The following NDUFA12 variants were observed in gnomAD, a reference collection of about 807,000 sequenced individuals.
NDUFA12 encodes the protein NADH:ubiquinone oxidoreductase subunit A12.
NDUFA12 carries 17 observed loss-of-function variants against 20.3 expected under a neutral mutation model. The observed-to-expected ratio is 0.84, with a 90% CI of 0.57 to 1.26. The LOEUF is 1.26. Among genes scored for constraint, NDUFA12 ranks in the 50% most tolerant of loss-of-function variants. The probability of loss-of-function intolerance (pLI) is 0.00; values close to 1 mark genes in which losing one functional copy is unlikely to be tolerated. For missense variants in NDUFA12, 191 were observed against 183.7 expected (o/e 1.04, Z -0.23); for synonymous variants, 72 against 63.6 (o/e 1.13, Z -0.63).
At chr12:94,973,968 CTT>C (rs35862087) in intron 3 of NDUFA12, among the ~76,000 whole-genome samples, 101 of 100,936 alleles carry the variant, frequency 1.0e-3, no homozygotes, top group African/African-American at 2.9e-3. Flanking sequence ...ACTCTTGGGT[CTT>C]TTTTTTTTTT....
Position 95,002,729 on chromosome 12 carries a change from C to T in NDUFA12, c.169+10G>A, listed in dbSNP as rs762671643. 6.2e-7 allele frequency: 1 copy of T among 1,602,884 alleles called. No homozygotes were observed. Among genetic ancestry groups the T allele is most frequent in the Non-Finnish European group, 8.5e-7 (1 of 1,169,792 alleles). On this transcript the variant is annotated intron_variant, in intron 2 of 3. Coordinates refer to ENST00000327772, the MANE Select transcript of NDUFA12 (RefSeq NM_018838.5). Reference sequence around the variant, plus strand: ...ATCCAATTATTCATACTAAAAAATACTGCACTCACCAAAAAATTGCTTGTT... The same window carrying T: ...ATCCAATTATTCATACTAAAAAATATTGCACTCACCAAAAAATTGCTTGTT...
At chr12:94,995,236 T>A (rs1874781877) in intron 2 of NDUFA12, among the ~76,000 whole-genome samples, 1 of 152,194 alleles carries the variant, frequency 6.6e-6, no homozygotes, top group Non-Finnish European at 1.5e-5. Context: ...AAACATGACC[T>A]CATCTCTTTT....
intron 3 of NDUFA12, among the ~76,000 whole-genome samples, chr12:94,980,355 G>A (rs750852468): frequency 3.9e-5 from 6 of 151,980 alleles, no homozygotes; most frequent in Non-Finnish European, 7.4e-5. Context: ...CAACCACTCA[G>A]GCCCCAAACC....
intron 2 of NDUFA12, chr12:94,997,057 A>AT (rs1392268189): frequency 3.5e-6 from 1 of 286,234 alleles, no homozygotes; most frequent in Admixed American, 5.0e-5. Flanking sequence ...TAAAAATATC[A>AT]TAACTAGGTG....
chr12:94,998,230 C>A (rs1417714567), intron 2 of NDUFA12, among the ~76,000 whole-genome samples: 1 of 152,154 alleles, frequency 6.6e-6, no homozygotes, highest in Non-Finnish European at 1.5e-5. Flanking sequence ...AAATAAAAAT[C>A]ATATGATCAT....
intron 2 of NDUFA12, among the ~76,000 whole-genome samples, chr12:95,002,212 C>T (rs1301607396): frequency 6.6e-6 from 1 of 150,768 alleles, no homozygotes; most frequent in Admixed American, 6.6e-5. Context: ...GGGGCCAAGG[C>T]GGGTGGATCA....
intron 3 of NDUFA12, among the ~76,000 whole-genome samples, chr12:94,976,604 C>T (rs2136059200): frequency 6.6e-6 from 1 of 152,258 alleles, no homozygotes; most frequent in Non-Finnish European, 1.5e-5. Flanking sequence ...CCAAGTTTTG[C>T]TTTTTGGAAC....
chr12:95,001,500 T>A (rs1438963532), intron 2 of NDUFA12, among the ~76,000 whole-genome samples: 1 of 151,988 alleles, frequency 6.6e-6, no homozygotes, highest in African/African-American at 2.4e-5. Flanking sequence ...TGGTGACACA[T>A]GCCTGTAATC....
intron 3 of NDUFA12, among the ~76,000 whole-genome samples, chr12:94,988,819 C>T (rs1053394327): frequency 6.6e-6 from 1 of 152,184 alleles, no homozygotes; most frequent in African/African-American, 2.4e-5. Flanking sequence ...CCCACCTGCA[C>T]CCAGGCGCTC....
chr12:94,982,476 C>T (rs1270491993), intron 3 of NDUFA12, among the ~76,000 whole-genome samples: 2 of 151,994 alleles, frequency 1.3e-5, no homozygotes, highest in South Asian at 2.1e-4. Flanking sequence ...CGGGGTTTCA[C>T]TGTGTTAGCC....
chr12:94,992,319 G>C (rs2136068594), intron 3 of NDUFA12, among the ~76,000 whole-genome samples: 1 of 152,192 alleles, frequency 6.6e-6, no homozygotes, highest in African/African-American at 2.4e-5. Flanking sequence ...GAATTTTAGG[G>C]CTCTCATTTT....
intron 3 of NDUFA12, among the ~76,000 whole-genome samples, chr12:94,978,553 C>G (rs1474397339): frequency 2.0e-5 from 3 of 152,094 alleles, no homozygotes. Context: ...TGAAAAAACT[C>G]AAATATCAAA....
chr12:94,999,488 A>G (rs930643722), intron 2 of NDUFA12, among the ~76,000 whole-genome samples: 17 of 152,258 alleles, frequency 1.1e-4, no homozygotes, highest in Admixed American at 9.2e-4. Context: ...GTACCTAATT[A>G]AACTAAAAAG....
intron 2 of NDUFA12, among the ~76,000 whole-genome samples, chr12:94,995,819 C>T (rs1452029892): frequency 6.6e-6 from 1 of 152,090 alleles, no homozygotes; most frequent in Admixed American, 6.5e-5. Context: ...ATCTATGTGT[C>T]TATCGATAGT....
At chr12:94,994,802 C>T (rs1228647639) in intron 2 of NDUFA12, among the ~76,000 whole-genome samples, 1 of 152,196 alleles carries the variant, frequency 6.6e-6, no homozygotes, top group African/African-American at 2.4e-5. Flanking sequence ...TATGGCTGCA[C>T]TCCTCATTTA....
chr12:94,981,031 G>T (rs76644506), intron 3 of NDUFA12, among the ~76,000 whole-genome samples: 2 of 151,188 alleles, frequency 1.3e-5, no homozygotes, highest in East Asian at 3.9e-4. Context: ...CTGTGTAGAC[G>T]GTGGCAATTA....
intron 2 of NDUFA12, chr12:94,997,442 G>A (rs1450930483): frequency 6.6e-6 from 1 of 152,110 alleles, no homozygotes; most frequent in African/African-American, 2.4e-5. Flanking sequence ...ATAAATGCCA[G>A]GCAATTATTT....
Position 94,998,952 on chromosome 12 carries a change from T to G in NDUFA12, c.169+3787A>C, listed in dbSNP as rs557760865. On this transcript the variant is annotated intron_variant, in intron 2 of 3. Transcript: ENST00000327772. ...CAATGTAATTTCCATCAAAATACCA[T>G]CATCATTCTTCACAGAACTAGAAAA... Among the ~76,000 whole-genome samples, 26 of 152,190 alleles carry G rather than the reference T, an allele frequency of 1.7e-4. No individual in the cohort carries two copies. The South Asian group carries it at 3.1e-3, about 18-fold the overall frequency.
chr12:94,994,027 T>A, intron 3 of NDUFA12, 143 bp downstream of exon 3: 3 of 698,072 alleles, frequency 4.3e-6, no homozygotes, highest in Non-Finnish European at 7.6e-6. Context: ...GGGAGGCTGA[T>A]GTGGGAGGAT....
Sources: allele counts gnomAD v4.1 joint callset (sites outside exome capture counted in the v4.1 genomes callset), GRCh38; gene constraint gnomAD v4.1.1; transcripts MANE v1.5; gene names NCBI Gene and HGNC (gene_info 2026-07-23, HGNC 2026-07-21).